NIPAL4: variants seen among roughly 807,000 people sequenced by gnomAD.
NIPAL4 encodes magnesium transporter NIPA4.
In NIPAL4, 21 loss-of-function variants were observed where a neutral mutation model predicts 31.6. The ratio of observed to expected loss-of-function variants is 0.67; its 90% CI spans 0.47 to 0.96. The LOEUF (loss-of-function observed/expected upper bound fraction) is 0.96. Among genes scored for constraint, NIPAL4 ranks in the 40% least tolerant of loss-of-function variants. The pLI, the probability that NIPAL4 is intolerant of heterozygous loss-of-function variation, is 0.00. For synonymous variants in NIPAL4, 175 were observed against 211.1 expected (o/e 0.83, Z 1.48); for missense variants, 438 against 508.0 (o/e 0.86, Z 1.32).
intron 3 of NIPAL4, among the ~76,000 whole-genome samples, chr5:157,468,327 T>C (rs1754339252): frequency 6.6e-6 from 1 of 152,156 alleles, no homozygotes; most frequent in Admixed American, 6.5e-5. Context: ...GGAGAACCAA[T>C]AATTGTAACT....
intron 4 of NIPAL4, among the ~76,000 whole-genome samples, chr5:157,469,101 G>A (rs1464809738): frequency 2.0e-5 from 3 of 152,164 alleles, no homozygotes; most frequent in East Asian, 1.9e-4. Context: ...TTTTGGTGCC[G>A]TGATAGATGC....
intron 2 of NIPAL4, among the ~76,000 whole-genome samples, chr5:157,465,978 G>A (rs749023868): frequency 2.0e-5 from 3 of 151,912 alleles, no homozygotes; most frequent in African/African-American, 2.4e-5. Context: ...CTGGGTGACC[G>A]AGGGAGACCC....
At chr5:157,461,683 A>C (rs982562727) in intron 1 of NIPAL4, among the ~76,000 whole-genome samples, 2 of 152,196 alleles carry the variant, frequency 1.3e-5, no homozygotes, top group African/African-American at 2.4e-5. Context: ...TCTTCCCTTG[A>C]TTGTGACACG....
intron 2 of NIPAL4, among the ~76,000 whole-genome samples, chr5:157,463,694 G>A (rs1754175517): frequency 6.6e-6 from 1 of 152,154 alleles, no homozygotes; most frequent in East Asian, 1.9e-4. Context: ...CAGCTTCTCT[G>A]CAAAATGGGA....
Position 157,468,589 on chromosome 5 carries a change from G to C in NIPAL4, c.335-133G>C, listed in dbSNP as rs1235278497. Reference sequence around the variant, plus strand: ...GACCTTCGATCAGACTCTCCAGGGAGAGAGCGTATGGATCAAGATTTTAAG... The same window carrying C: ...GACCTTCGATCAGACTCTCCAGGGACAGAGCGTATGGATCAAGATTTTAAG... On this transcript the variant is annotated intron_variant, in intron 3 of 5. Transcript: ENST00000311946. The C allele has an allele frequency of 1.1e-5, 7 of 663,452 alleles. No individual in the cohort carries two copies. In the East Asian group the frequency reaches 1.8e-4, roughly 17 times the overall value. The allele number at this position is 663,452 out of a possible 1,614,324, so 41.1% of individuals were successfully genotyped here.
intron 2 of NIPAL4, 83 bp from the exon 3 acceptor site, chr5:157,466,966 G>C: frequency 9.7e-7 from 1 of 1,032,954 alleles, no homozygotes; most frequent in Non-Finnish European, 1.5e-6. Flanking sequence ...CTTAGAGGCC[G>C]GGGAGTGAGC....
intron 1 of NIPAL4, chr5:157,460,623 A>AT (rs752521876): frequency 3.5e-6 from 2 of 569,592 alleles, no homozygotes; most frequent in South Asian, 1.5e-5. Flanking sequence ...GGGGGCAGGC[A>AT]TTTTGACGAC....
chr5:157,465,337 G>C (rs925613180), intron 2 of NIPAL4, among the ~76,000 whole-genome samples: 4 of 152,150 alleles, frequency 2.6e-5, no homozygotes, highest in Non-Finnish European at 4.4e-5. Flanking sequence ...AGTATCTTCT[G>C]TGATTTCAAC....
chr5:157,473,044 G>A lies in NIPAL4; in HGVS notation c.*84G>A. The A allele has an allele frequency of 8.4e-7, 1 of 1,186,204 alleles. No individual in the cohort carries two copies. The highest frequency in any genetic ancestry group is 1.2e-6 in the Non-Finnish European group (1 of 866,464). 73.5% of individuals were successfully genotyped at this position (1,186,204 alleles called of 1,614,324 possible). Reference sequence around the variant, plus strand: ...CAAAACCACCTGGTTATTTTCCAGTGCAACTGTTACCAATGGGCTCTCTTT... The same window carrying A: ...CAAAACCACCTGGTTATTTTCCAGTACAACTGTTACCAATGGGCTCTCTTT... On this transcript the variant is annotated 3_prime_UTR_variant, in exon 6 of 6. Coordinates refer to ENST00000311946, the MANE Select transcript of NIPAL4 (RefSeq NM_001099287.2).
At chr5:157,465,245 G>T (rs564070191) in intron 2 of NIPAL4, among the ~76,000 whole-genome samples, 37 of 152,294 alleles carry the variant, frequency 2.4e-4, no homozygotes, top group African/African-American at 8.7e-4. Context: ...GGAAATTTCT[G>T]CTTGTGTTCA....
chr5:157,460,289 G>C lies in NIPAL4; in HGVS notation c.-32G>C, dbSNP rs761976559. On this transcript the variant is annotated 5_prime_UTR_variant, in exon 1 of 6. Coordinates refer to ENST00000311946, the MANE Select transcript of NIPAL4 (RefSeq NM_001099287.2). ...GAGCTGGGGAGCCCGGGCGCCGTCC[G>C]CCCGCGCGTCGGTTCGTGTGCCCCG... 87 of 1,545,666 alleles carry C rather than the reference G, an allele frequency of 5.6e-5. No individual in the cohort carries two copies. The highest frequency in any genetic ancestry group is 6.7e-5 in the Non-Finnish European group (77 of 1,145,044).
intron 3 of NIPAL4, among the ~76,000 whole-genome samples, chr5:157,468,143 G>GA (rs1249656656): frequency 6.6e-6 from 1 of 150,546 alleles, no homozygotes; most frequent in Non-Finnish European, 1.5e-5. Flanking sequence ...TCGAACTCCC[G>GA]ACCTCAGGTG....
chr5:157,460,214 G>T lies in NIPAL4; in HGVS notation c.-107G>T. 6.7e-7 allele frequency: 1 copy of T among 1,488,170 alleles called. No individual in the cohort carries two copies. The highest frequency in any genetic ancestry group is 8.9e-7 in the Non-Finnish European group (1 of 1,122,030). 92.2% of individuals were successfully genotyped at this position (1,488,170 alleles called of 1,614,324 possible). A position where few individuals can be genotyped will look rare whatever the true frequency, so the allele number is the denominator to read the frequency against. On this transcript the variant is annotated 5_prime_UTR_variant, in exon 1 of 6. Coordinates refer to ENST00000311946, the MANE Select transcript of NIPAL4 (RefSeq NM_001099287.2). ...CCACCCCTGGGTCCGGACCCCGGCG[G>T]CTTCTCGCGCGCGAGCCACGCGGGG... is the stretch of plus-strand genomic sequence containing the variant.
chr5:157,468,709 C>T lies in NIPAL4; in HGVS notation c.335-13C>T, dbSNP rs759071805. 5.1e-6 allele frequency: 8 copies of T among 1,571,900 alleles called. No individual in the cohort carries two copies. Among genetic ancestry groups the T allele is most frequent in the African/African-American group, 1.3e-5 (1 of 74,186 alleles). On this transcript the variant is annotated splice_polypyrimidine_tract_variant and intron_variant, in intron 3 of 5. Transcript: ENST00000311946. ...TGCGCCATGCTAGCCTCTTTTCTCC[C>T]TTCGTTTCCTAGTGGCTGCTGGAGA...
chr5:157,472,241 T>G, intron 5 of NIPAL4, 91 bp from the exon 6 acceptor site: 1 of 1,263,628 alleles, frequency 7.9e-7, no homozygotes, highest in Non-Finnish European at 1.1e-6. Context: ...GCCCACGATC[T>G]TAATGCTACC....
At chr5:157,466,049 G>A (rs1172736756) in intron 2 of NIPAL4, among the ~76,000 whole-genome samples, 1 of 133,980 alleles carries the variant, frequency 7.5e-6, no homozygotes, top group Non-Finnish European at 1.6e-5. Context: ...AGGGAGGGAA[G>A]GAAGAGAGAG....
In NIPAL4 at chr5:157,471,818, G is replaced by A. The variant is rs1561831582; in HGVS notation, c.586+1G>A. On this transcript the variant is annotated splice_donor_variant, in intron 5 of 5. Coordinates refer to ENST00000311946, the MANE Select transcript of NIPAL4 (RefSeq NM_001099287.2). LOFTEE classifies it high-confidence loss of function. ...ATGGCTTCCAAGATGAAAGACACAGGTAGACTCCAAGCCCCTGAAGAGCAG... is the reference window on the plus strand; with the variant it reads ...ATGGCTTCCAAGATGAAAGACACAGATAGACTCCAAGCCCCTGAAGAGCAG... 6.3e-7 allele frequency: 1 copy of A among 1,581,830 alleles called. No individual in the cohort carries two copies. Among genetic ancestry groups the A allele is most frequent in the Non-Finnish European group, 8.6e-7 (1 of 1,163,186 alleles).
At chr5:157,468,876 T>G in intron 4 of NIPAL4, 64 bp downstream of exon 4, 28 of 1,112,370 alleles carry the variant, frequency 2.5e-5, no homozygotes, top group African/African-American at 4.7e-5. Flanking sequence ...AGGCCTGGAA[T>G]TGCCAAGTGG....
At position 157,460,411 on chromosome 5, in the gene NIPAL4, T is replaced by C. The variant is rs567606528; in HGVS notation, c.37+54T>C. Reference sequence around the variant, plus strand: ...GGGCTCCGCGCTTCGCGCCCTCCCCTCCTTGCCACCGCTCTCCCTCGCATC... The same window carrying C: ...GGGCTCCGCGCTTCGCGCCCTCCCCCCCTTGCCACCGCTCTCCCTCGCATC... On this transcript the variant is annotated intron_variant, in intron 1 of 5. Coordinates refer to ENST00000311946, the MANE Select transcript of NIPAL4 (RefSeq NM_001099287.2). 128 of 1,473,378 alleles carry C rather than the reference T, an allele frequency of 8.7e-5. No individual in the cohort carries two copies. The African/African-American group carries it at 1.6e-3, about 18-fold the overall frequency. 91.3% of individuals were successfully genotyped at this position (1,473,378 alleles called of 1,614,324 possible).
Sources: allele counts gnomAD v4.1 joint callset (sites outside exome capture counted in the v4.1 genomes callset), GRCh38; gene constraint gnomAD v4.1.1; transcripts MANE v1.5; gene names NCBI Gene and HGNC (gene_info 2026-07-23, HGNC 2026-07-21).